LARP1: variants seen among roughly 807,000 people sequenced by gnomAD.
The protein encoded by LARP1 is La ribonucleoprotein 1, translational regulator.
In LARP1, 36 loss-of-function variants were observed where a neutral mutation model predicts 122.7. The observed-to-expected ratio is 0.29, with a 90% CI of 0.22 to 0.39. The LOEUF (loss-of-function observed/expected upper bound fraction) is 0.39, where lower values mean the gene tolerates loss of function less well. LARP1 is among the 10% of genes least tolerant of loss of function. The pLI is 1.00. For synonymous variants in LARP1, 539 were observed against 528.7 expected (o/e 1.02, Z -0.27); for missense variants, 1,040 against 1,403.6 (o/e 0.74, Z 4.14).
chr5:154,806,188 G>A (rs75246829), intron 15 of LARP1, among the ~76,000 whole-genome samples, 156 bp downstream of exon 15: 2,384 of 152,176 alleles, frequency 0.016, 29 homozygotes, highest in East Asian at 0.032. Context: ...AGTTAGACTC[G>A]GGCCAGGTAG....
At chr5:154,757,404 T>TG (rs370599215) in intron 1 of LARP1, 13,801 of 147,392 alleles carry the variant, frequency 0.094, 690 homozygotes, top group Admixed American at 0.15. Context: ...TCGGCTTGGG[T>TG]GGGGGGGGCG....
intron 1 of LARP1, among the ~76,000 whole-genome samples, chr5:154,765,876 G>C (rs779127100): frequency 1.8e-4 from 27 of 152,214 alleles, no homozygotes; most frequent in Non-Finnish European, 3.4e-4. Context: ...TGCTTACCAT[G>C]TGTCAGACAT....
At chr5:154,764,595 CAAAAAAAAAAAAAA>C (rs1158921641) in intron 1 of LARP1, among the ~76,000 whole-genome samples, 1 of 44,888 alleles carries the variant, frequency 2.2e-5, no homozygotes, top group Non-Finnish European at 3.7e-5. Flanking sequence ...GACCATGTCT[CAAAAAAAAAAAAAA>C]AAAAAAAAAA....
chr5:154,755,176 G>T (rs1475566014), upstream of LARP1, among the ~76,000 whole-genome samples: 1 of 151,038 alleles, frequency 6.6e-6, no homozygotes, highest in Non-Finnish European at 1.5e-5. Flanking sequence ...GAGACGAGGG[G>T]CGGGGCGAGG....
At chr5:154,712,999 T>C (rs1256722363) in exon 1 of LARP1, 2 of 1,614,016 alleles carry the variant, frequency 1.2e-6, no homozygotes, top group Non-Finnish European at 1.7e-6. Context: ...GAGGCTCCCA[T>C]ACCTAGCTGC....
intron 1 of LARP1, among the ~76,000 whole-genome samples, chr5:154,706,473 A>G (rs916395820): frequency 4.6e-5 from 7 of 152,030 alleles, no homozygotes; most frequent in Admixed American, 2.6e-4. Context: ...CCAAATAACC[A>G]CATGTTCTCA....
chr5:154,780,305 G>T (rs921521994), intron 1 of LARP1, among the ~76,000 whole-genome samples: 1 of 152,216 alleles, frequency 6.6e-6, no homozygotes, highest in African/African-American at 2.4e-5. Context: ...GATTGGAAAT[G>T]GGGCCCCTCT....
intron 14 of LARP1, chr5:154,805,257 C>T (rs1019322515): frequency 7.7e-6 from 2 of 258,490 alleles, no homozygotes; most frequent in East Asian, 1.2e-4. Context: ...ATTTACTGTT[C>T]AGTAAGTGGA....
Position 154,747,842 on chromosome 5 carries a change from C to T in LARP1, c.205+34712C>T, listed in dbSNP as rs182750345. 5.7e-3 allele frequency among the ~76,000 whole-genome samples: 863 copies of T among 151,874 alleles called. 8 individuals carry two copies. Among genetic ancestry groups the T allele is most frequent in the African/African-American group, 0.02 (815 of 41,390 alleles). On this transcript the variant is annotated intron_variant, in intron 1 of 18. Transcript: ENST00000336314. ...TTGTGCCACTGCACTCCAGCCTGGG[C>T]GACAGAGTGAGACTCCATCTCAAAA...
chr5:154,804,351 A>G lies in LARP1; in HGVS notation c.2546+44A>G, dbSNP rs747400713. 5 of 1,405,788 alleles carry G rather than the reference A, an allele frequency of 3.6e-6. No homozygotes were observed. The South Asian group carries it at 5.8e-5, about 16-fold the overall frequency. The allele number at this position is 1,405,788 out of a possible 1,614,324, so 87.1% of individuals were successfully genotyped here. A position where few individuals can be genotyped will look rare whatever the true frequency, so the allele number is the denominator to read the frequency against. On this transcript the variant is annotated intron_variant, in intron 14 of 18. Coordinates refer to ENST00000518297, the MANE Select transcript of LARP1 (RefSeq NM_033551.3). ...GAAGAGTGATCAGGCTGCCTATGGG[A>G]TGGGTGGGCGAGCCATGAAATTGAC...
intron 1 of LARP1, among the ~76,000 whole-genome samples, chr5:154,757,550 A>G (rs1171051908): frequency 2.0e-5 from 3 of 152,010 alleles, no homozygotes; most frequent in Non-Finnish European, 4.4e-5. Flanking sequence ...GGTGCTTTTA[A>G]AAAACTCACC....
upstream of LARP1, among the ~76,000 whole-genome samples, chr5:154,711,215 C>T (rs1317163715): frequency 6.6e-6 from 1 of 150,992 alleles, no homozygotes; most frequent in African/African-American, 2.4e-5. Flanking sequence ...GATCTTGGCT[C>T]ACTGCAACCT....
upstream of LARP1, among the ~76,000 whole-genome samples, chr5:154,752,511 G>T (rs1157367871): frequency 1.3e-5 from 2 of 152,094 alleles, no homozygotes; most frequent in South Asian, 4.2e-4. Flanking sequence ...CCAAAGTGCC[G>T]GGATTACAGG....
At chr5:154,739,428 T>G (rs1405499378) in intron 1 of LARP1, among the ~76,000 whole-genome samples, 1 of 152,252 alleles carries the variant, frequency 6.6e-6, no homozygotes, top group African/African-American at 2.4e-5. Flanking sequence ...GGAAGCTGAC[T>G]TGCCTTGCTA....
At chr5:154,708,328 G>A (rs1755048060), upstream of LARP1, among the ~76,000 whole-genome samples, 1 of 152,218 alleles carries the variant, frequency 6.6e-6, no homozygotes. Context: ...TGAAGTGACA[G>A]ATTGAGTTCA....
chr5:154,802,212 A>G lies in LARP1; in HGVS notation c.1922A>G (p.Asn641Ser). The G allele has an allele frequency of 1.9e-6, 3 of 1,614,236 alleles. No individual in the cohort carries two copies. The highest frequency in any genetic ancestry group is 1.7e-6 in the Non-Finnish European group (2 of 1,180,044). The change falls in exon 11 of 19, where the codon AAC becomes AGC. Residue 641 changes from asparagine (N) to serine (S), a missense_variant. Physicochemically the swap from Asn to Ser is conservative, Grantham distance 46. Transcript: ENST00000518297. The surrounding 1 kb of genome is among the most constrained non-coding windows in gnomAD (Gnocchi z 5.1). ...TATGAGATTGATGACAGGGATGTCA[A>G]CAAGATCCTCATTGTCACCCAGACA... Reference protein sequence around the residue: ...SDYEIDDRDVNKILIVTQTPH... With the variant: ...SDYEIDDRDVSKILIVTQTPH...
In LARP1 at chr5:154,797,214, T is replaced by C. The variant is rs111514850; in HGVS notation, c.1377+1895T>C. On this transcript the variant is annotated intron_variant, in intron 8 of 18. Coordinates refer to ENST00000518297, the MANE Select transcript of LARP1 (RefSeq NM_033551.3). ...ACATCATGGAGTTATTCTGTTTTGTTGTTGTTGTTTTTTTTTTTTTTTTTT... is the reference window on the plus strand; with the variant it reads ...ACATCATGGAGTTATTCTGTTTTGTCGTTGTTGTTTTTTTTTTTTTTTTTT... 7.3e-3 allele frequency among the ~76,000 whole-genome samples: 1,024 copies of C among 140,932 alleles called. 35 individuals are homozygous for C. In the South Asian group the frequency reaches 0.088, roughly 12 times the overall value. 92.5% of individuals were successfully genotyped at this position (140,932 alleles called of 152,430 possible).
intron 1 of LARP1, among the ~76,000 whole-genome samples, chr5:154,760,689 A>G (rs1754379905): frequency 6.6e-6 from 1 of 152,254 alleles, no homozygotes; most frequent in Admixed American, 6.5e-5. Context: ...ATGGGGCTAC[A>G]GGAACAGACT....
chr5:154,699,505 A>T (rs1754620467), intron 1 of LARP1, among the ~76,000 whole-genome samples: 1 of 140,866 alleles, frequency 7.1e-6, no homozygotes, highest in African/African-American at 2.6e-5. Flanking sequence ...AAAAAAAAAA[A>T]ATTTAAATAA....
Sources: allele counts gnomAD v4.1 joint callset (sites outside exome capture counted in the v4.1 genomes callset), GRCh38; gene constraint gnomAD v4.1.1; non-coding constraint Gnocchi (gnomAD v3.1); transcripts MANE v1.5; gene names NCBI Gene and HGNC (gene_info 2026-07-23, HGNC 2026-07-21).